CAPN5: variants seen among roughly 807,000 people sequenced by gnomAD.
The protein encoded by CAPN5 is calpain-5.
Under a neutral mutation model 73.0 loss-of-function variants are expected in CAPN5, and 54 were observed. The observed-to-expected ratio is 0.74, with a 90% CI of 0.59 to 0.93. CAPN5 has a LOEUF of 0.93. CAPN5 is among the 40% of genes least tolerant of loss of function. The pLI is 0.00. For missense variants in CAPN5, 785 were observed against 882.9 expected (o/e 0.89, Z 1.41); for synonymous variants, 335 against 356.9 (o/e 0.94, Z 0.69).
intron 2 of CAPN5, among the ~76,000 whole-genome samples, chr11:77,087,273 G>T (rs1555035700): frequency 6.6e-6 from 1 of 152,242 alleles, no homozygotes; most frequent in African/African-American, 2.4e-5. Flanking sequence ...AAGTCAAGCA[G>T]GCTTGGCTCA....
intron 1 of CAPN5, among the ~76,000 whole-genome samples, chr11:77,081,520 GT>G (rs1370176176): frequency 6.6e-6 from 1 of 152,244 alleles, no homozygotes; most frequent in African/African-American, 2.4e-5. Context: ...GAGACTGTCA[GT>G]CCTCAGGGCA....
chr11:77,077,221 G>A (rs1949980472), intron 1 of CAPN5, among the ~76,000 whole-genome samples: 1 of 152,094 alleles, frequency 6.6e-6, no homozygotes, highest in African/African-American at 2.4e-5. Context: ...GCCAGGCATG[G>A]TGGCGCATGC....
intron 4 of CAPN5, among the ~76,000 whole-genome samples, chr11:77,113,440 G>T (rs1950432401): frequency 6.6e-6 from 1 of 152,248 alleles, no homozygotes; most frequent in African/African-American, 2.4e-5. Flanking sequence ...AGGCCAGGAG[G>T]GAGGAGGGAG....
intron 2 of CAPN5, among the ~76,000 whole-genome samples, chr11:77,093,085 G>A (rs6592705): frequency 0.71 from 108,698 of 152,206 alleles, 38,986 homozygotes; most frequent in African/African-American, 0.75. Flanking sequence ...TCCATTCCTC[G>A]CCCATACAAT....
intron 2 of CAPN5, among the ~76,000 whole-genome samples, chr11:77,085,262 C>T (rs929956996): frequency 2.0e-5 from 3 of 152,180 alleles, no homozygotes; most frequent in Non-Finnish European, 2.9e-5. Context: ...GGTTGAGGCC[C>T]AGCCAGGCCT....
intron 3 of CAPN5, among the ~76,000 whole-genome samples, chr11:77,106,010 A>T (rs1287522751): frequency 1.3e-5 from 2 of 151,910 alleles, no homozygotes; most frequent in African/African-American, 4.8e-5. Context: ...TGGACCGGGG[A>T]GATGGGCCCC....
chr11:77,112,219 G>C (rs1053834722), intron 3 of CAPN5, among the ~76,000 whole-genome samples: 1 of 152,070 alleles, frequency 6.6e-6, no homozygotes, highest in African/African-American at 2.4e-5. Context: ...AGCCAGTGGG[G>C]CTGCCAGCCT....
At chr11:77,082,844 T>C (rs1555034813) in intron 1 of CAPN5, among the ~76,000 whole-genome samples, 1 of 152,232 alleles carries the variant, frequency 6.6e-6, no homozygotes, top group African/African-American at 2.4e-5. Context: ...CCTCTCCCTC[T>C]CTGGACCCTC....
rs10543158 is a variant in CAPN5 at position 77,125,614 on chromosome 11, C to CTATATATATATATATATATATATATATA, written c.*1770_*1771insTATATATATATATATATATATATATATA. On this transcript the variant is annotated 3_prime_UTR_variant, in exon 13 of 13. Transcript: ENST00000648180. Reference sequence around the variant, plus strand: ...CTATGTATCTCTGTATGCACACGCACTATATATATATATATATATATATAT... The same window carrying CTATATATATATATATATATATATATATA: ...CTATGTATCTCTGTATGCACACGCACTATATATATATATATATATATATATATATATATATATATATATATATATATAT... 2.8e-5 allele frequency: 4 copies of CTATATATATATATATATATATATATATA among 140,732 alleles called. No individual in the cohort carries two copies. The highest frequency in any genetic ancestry group is 7.8e-5 in the African/African-American group (3 of 38,418). 8.7% of individuals were successfully genotyped at this position (140,732 alleles called of 1,614,324 possible).
At chr11:77,093,585 T>C (rs1950174747) in intron 2 of CAPN5, 97 bp from the exon 3 acceptor site, 3 of 914,696 alleles carry the variant, frequency 3.3e-6, no homozygotes, top group Non-Finnish European at 4.4e-6. Context: ...ACACAGCAAG[T>C]CTGTGTCTGT....
chr11:77,076,907 G>A (rs990742516), intron 1 of CAPN5, among the ~76,000 whole-genome samples: 1 of 152,178 alleles, frequency 6.6e-6, no homozygotes, highest in Non-Finnish European at 1.5e-5. Context: ...GGATCATATG[G>A]TAGTTTTATT....
At chr11:77,116,879 G>A (rs1950473586) in intron 7 of CAPN5, among the ~76,000 whole-genome samples, 1 of 152,242 alleles carries the variant, frequency 6.6e-6, no homozygotes, top group African/African-American at 2.4e-5. Context: ...ACACAGCTGT[G>A]TTTGAGAAGG....
chr11:77,091,356 C>T (rs1203421394), intron 2 of CAPN5, among the ~76,000 whole-genome samples: 1 of 152,180 alleles, frequency 6.6e-6, no homozygotes, highest in Non-Finnish European at 1.5e-5. Flanking sequence ...GTGGTAGGAC[C>T]GCAGAAGCTC....
At position 77,099,655 on chromosome 11, in the gene CAPN5, C is replaced by G. The variant is rs1220526894; in HGVS notation, c.297+5842C>G. On this transcript the variant is annotated intron_variant, in intron 3 of 12. Transcript: ENST00000648180. ...AATCAGGCAGGGAGGTTGCAGTGAG[C>G]CGAGATGGCAGCAGTACAGTCCAGC... Among the ~76,000 whole-genome samples the G allele has an allele frequency of 9.0e-3, 1,356 of 150,766 alleles. 16 individuals carry two copies. The highest frequency in any genetic ancestry group is 0.031 in the African/African-American group (1,294 of 41,106).
chr11:77,099,709 G>T (rs1176935236), intron 3 of CAPN5, among the ~76,000 whole-genome samples: 1 of 147,508 alleles, frequency 6.8e-6, no homozygotes, highest in Non-Finnish European at 1.5e-5. Flanking sequence ...GGAGACCGTG[G>T]GGAGAGGGAG....
At chr11:77,102,873 G>A (rs1186283206) in intron 3 of CAPN5, 1 of 1,609,202 alleles carries the variant, frequency 6.2e-7, no homozygotes, top group African/African-American at 1.3e-5. Flanking sequence ...GCCGCAGCTG[G>A]ACATGCCGCT....
intron 1 of CAPN5, among the ~76,000 whole-genome samples, chr11:77,069,346 T>C (rs1949878320): frequency 6.6e-6 from 1 of 152,160 alleles, no homozygotes; most frequent in African/African-American, 2.4e-5. Context: ...TCAGCATCAC[T>C]TAGTTCCCTC....
intron 1 of CAPN5, among the ~76,000 whole-genome samples, chr11:77,073,916 C>T (rs1459815433): frequency 6.6e-6 from 1 of 152,174 alleles, no homozygotes; most frequent in African/African-American, 2.4e-5. Context: ...TGAGGTGGCT[C>T]TGAGCCTGGC....
chr11:77,069,025 T>C (rs1241306519), intron 1 of CAPN5, among the ~76,000 whole-genome samples: 1 of 152,172 alleles, frequency 6.6e-6, no homozygotes, highest in Non-Finnish European at 1.5e-5. Flanking sequence ...AGATCAGCCC[T>C]GGAGTCCTGG....
Sources: gnomAD v4.1 joint callset for allele counts (sites outside exome capture counted in the v4.1 genomes callset) on GRCh38, gnomAD v4.1.1 for gene constraint, MANE v1.5 for transcripts, NCBI Gene and HGNC (gene_info 2026-07-23, HGNC 2026-07-21) for gene names.